CELF5: variants seen among roughly 807,000 people sequenced by gnomAD.
CELF5 encodes CUGBP Elav-like family member 5.
A neutral mutation model predicts 54.9 loss-of-function variants in CELF5; 6 were observed. That is an observed-to-expected ratio of 0.11 (90% CI 0.06 to 0.22). The LOEUF (loss-of-function observed/expected upper bound fraction) is 0.22, where lower values mean the gene tolerates loss of function less well. Among genes scored for constraint, CELF5 ranks in the 10% least tolerant of loss-of-function variants. CELF5 has a pLI of 1.00. For synonymous variants in CELF5, 271 were observed against 290.9 expected (o/e 0.93, Z 0.70); for missense variants, 401 against 678.6 (o/e 0.59, Z 4.54).
chr19:3,227,917 C>T (rs563037959), intron 1 of CELF5, among the ~76,000 whole-genome samples: 6 of 152,072 alleles, frequency 3.9e-5, no homozygotes, highest in African/African-American at 1.2e-4. Context: ...TGGAGGGGCC[C>T]GTGACACCTG....
intron 2 of CELF5, among the ~76,000 whole-genome samples, chr19:3,256,655 G>A (rs924776406): frequency 4.8e-5 from 7 of 146,222 alleles, no homozygotes; most frequent in Admixed American, 3.4e-4. Context: ...TGCAACCTCC[G>A]CCTCCTGGGT....
chr19:3,225,461 CTCCCT>C, intron 1 of CELF5: 7 of 342,092 alleles, frequency 2.0e-5, no homozygotes, highest in Non-Finnish European at 2.8e-5. Flanking sequence ...GCCGGCACCC[CTCCCT>C]GCCCCCCCAC....
chr19:3,239,575 G>A (rs974554365), intron 1 of CELF5, among the ~76,000 whole-genome samples: 12 of 150,144 alleles, frequency 8.0e-5, no homozygotes, highest in African/African-American at 2.9e-4. Context: ...GTCTCACTAT[G>A]TTGCCCAGGC....
At chr19:3,285,853 T>A in intron 9 of CELF5, 89 bp from the exon 10 acceptor site, 2 of 676,962 alleles carry the variant, frequency 3.0e-6, no homozygotes, top group East Asian at 4.5e-5. Context: ...CACCCTCTTA[T>A]GGCCCCGCCC....
At position 3,224,958 on chromosome 19, in the gene CELF5, G is replaced by T; in HGVS notation, c.219G>T (p.Glu73Asp). 6.2e-7 allele frequency: 1 copy of T among 1,606,714 alleles called. No individual in the cohort carries two copies. The highest frequency in any genetic ancestry group is 8.5e-7 in the Non-Finnish European group (1 of 1,177,026). The change falls in exon 1 of 13, where the codon GAG (glutamate) becomes GAT (aspartate). Residue 73 changes from glutamate to aspartate, a missense_variant. By Grantham distance (45) the Glu-to-Asp change is conservative. Transcript: ENST00000292672. ...PLFEQFGRIY[E>D]LTVLKDPYTG... ...TCGAGCAGTTCGGCCGCATCTACGA[G>T]CTCACGGTGCTCAAAGACCCCTACA...
At chr19:3,276,750 C>G (rs912668382) in intron 4 of CELF5, among the ~76,000 whole-genome samples, 2 of 145,442 alleles carry the variant, frequency 1.4e-5, no homozygotes, top group Non-Finnish European at 3.1e-5. Context: ...TCTCCAGGGG[C>G]TGCTTATGGA....
chr19:3,243,651 G>A (rs545020497), intron 1 of CELF5, among the ~76,000 whole-genome samples: 12 of 152,194 alleles, frequency 7.9e-5, no homozygotes, highest in East Asian at 1.9e-4. Context: ...AGGCGCTGCC[G>A]TAACCACACA....
In CELF5 at chr19:3,268,509, G is replaced by T. The variant is rs973294205; in HGVS notation, c.343-5363G>T. ...ACACCAAATTGTAAGACACTGCCTGGCACCAGCTCTTGGGTGACTTCCCGT... is the reference window on the plus strand; with the variant it reads ...ACACCAAATTGTAAGACACTGCCTGTCACCAGCTCTTGGGTGACTTCCCGT... On this transcript the variant is annotated intron_variant, in intron 2 of 12. Coordinates refer to ENST00000292672, the MANE Select transcript of CELF5 (RefSeq NM_021938.4). The surrounding 1 kb of genome is among the most constrained non-coding windows in gnomAD (Gnocchi z 4.4). Among the ~76,000 whole-genome samples the T allele has an allele frequency of 6.6e-6, 1 of 152,116 alleles. No homozygotes were observed. The highest frequency in any genetic ancestry group is 6.5e-5 in the Admixed American group (1 of 15,272).
intron 2 of CELF5, among the ~76,000 whole-genome samples, chr19:3,259,688 C>T (rs2079781415): frequency 6.6e-6 from 1 of 151,902 alleles, no homozygotes; most frequent in Admixed American, 6.6e-5. Flanking sequence ...GTGGAATCCC[C>T]TAACCTGGGG....
intron 1 of CELF5, among the ~76,000 whole-genome samples, chr19:3,230,062 C>T (rs1484205763): frequency 6.7e-6 from 1 of 149,086 alleles, no homozygotes; most frequent in East Asian, 2.0e-4. Context: ...ATTGGAAACA[C>T]CTGGTAGGAC....
rs146152894 is a variant in CELF5 at position 3,239,643 on chromosome 19, A to T, written c.260-11342A>T. Among the ~76,000 whole-genome samples, 291 of 148,870 alleles carry T rather than the reference A, an allele frequency of 2.0e-3. 2 individuals carry two copies. Among genetic ancestry groups the T allele is most frequent in the Non-Finnish European group, 3.0e-3 (203 of 67,078 alleles). The stretch of plus-strand genomic sequence containing the variant: ...ACCATTCAACCCATTACATCCTCAC[A>T]CCCTACCATCCAAGTGCATCCCAGC... On this transcript the variant is annotated intron_variant, in intron 1 of 12. Coordinates refer to ENST00000292672, the MANE Select transcript of CELF5 (RefSeq NM_021938.4).
intron 4 of CELF5, among the ~76,000 whole-genome samples, chr19:3,276,213 G>T (rs1362723070): frequency 3.8e-5 from 5 of 131,818 alleles, no homozygotes; most frequent in African/African-American, 1.4e-4. Context: ...GGATGGGGCT[G>T]CAGGGTGGGG....
chr19:3,285,011 G>A (rs2080214014), intron 9 of CELF5, 47 bp downstream of exon 9: 21 of 1,408,546 alleles, frequency 1.5e-5, no homozygotes, highest in Non-Finnish European at 1.8e-5. Context: ...CCCCGCCCCC[G>A]CCTAGGGCCC....
chr19:3,287,898 C>T (rs1302823854), intron 10 of CELF5, among the ~76,000 whole-genome samples: 1 of 152,210 alleles, frequency 6.6e-6, no homozygotes, highest in Non-Finnish European at 1.5e-5. Flanking sequence ...AAATACCGTG[C>T]TTGGCCTTGG....
chr19:3,267,240 C>G (rs534017734), intron 2 of CELF5, among the ~76,000 whole-genome samples: 3 of 152,110 alleles, frequency 2.0e-5, no homozygotes, highest in South Asian at 4.2e-4. Context: ...GAGCCCCCCC[C>G]ACCAACCGCC....
At chr19:3,291,761 G>A (rs1362511813) in intron 11 of CELF5, among the ~76,000 whole-genome samples, 1 of 151,626 alleles carries the variant, frequency 6.6e-6, no homozygotes, top group African/African-American at 2.4e-5. Context: ...GAGAGAGGGA[G>A]GAGGGGGAAC....
At chr19:3,276,813 G>T (rs963289673) in intron 4 of CELF5, among the ~76,000 whole-genome samples, 4 of 148,818 alleles carry the variant, frequency 2.7e-5, no homozygotes, top group African/African-American at 9.9e-5. Context: ...TGGGAGGCGG[G>T]GGGGCTTCTC....
In CELF5 at chr19:3,281,294, G is replaced by C; in HGVS notation, c.699G>C (p.Leu233=). Residue 233 remains leucine, a synonymous_variant, in exon 6 of 13, where the codon CTG becomes CTC. Coordinates refer to ENST00000292672, the MANE Select transcript of CELF5 (RefSeq NM_021938.4). This position sits in a 1 kb window ranked among gnomAD's most constrained non-coding sequence, Gnocchi z 6.5. The stretch of plus-strand genomic sequence containing the variant: ...AGATGGTGGGCCAGCTGGGCATCCT[G>C]ACGCCGTCCCTCACATTGCCCTTCA... ...MQQMVGQLGI[L]TPSLTLPFSP... is the part of the protein sequence containing the mutation. 1 of 1,611,740 alleles carries C rather than the reference G, an allele frequency of 6.2e-7. No individual in the cohort carries two copies. The highest frequency in any genetic ancestry group is 1.7e-5 in the Admixed American group (1 of 60,024).
In CELF5 at chr19:3,281,054, T is replaced by G. The variant is rs933528545; in HGVS notation, c.604-145T>G. On this transcript the variant is annotated intron_variant, in intron 5 of 12. Coordinates refer to ENST00000292672, the MANE Select transcript of CELF5 (RefSeq NM_021938.4). This position sits in a 1 kb window ranked among gnomAD's most constrained non-coding sequence, Gnocchi z 6.5. ...CGGTCCTCGCTGTGGCCCTGGCTCCTGGGGTGGGGGCCCGTGGACATGGCT... is the reference window on the plus strand; with the variant it reads ...CGGTCCTCGCTGTGGCCCTGGCTCCGGGGGTGGGGGCCCGTGGACATGGCT... The G allele has an allele frequency of 9.3e-6, 9 of 970,092 alleles. 1 individual carries two copies. The highest frequency in any genetic ancestry group is 1.4e-5 in the Non-Finnish European group (9 of 644,568). The allele number at this position is 970,092 out of a possible 1,614,324, so 60.1% of individuals were successfully genotyped here.
Sources: allele counts gnomAD v4.1 joint callset (sites outside exome capture counted in the v4.1 genomes callset), GRCh38; gene constraint gnomAD v4.1.1; non-coding constraint Gnocchi (gnomAD v3.1); transcripts MANE v1.5; gene names NCBI Gene and HGNC (gene_info 2026-07-23, HGNC 2026-07-21).